GPM6A: variants seen among roughly 807,000 people sequenced by gnomAD.
The protein encoded by GPM6A is glycoprotein M6A.
In GPM6A, 7 loss-of-function variants were observed where a neutral mutation model predicts 32.1. That is an observed-to-expected ratio of 0.22 (90% CI 0.12 to 0.41). The LOEUF (loss-of-function observed/expected upper bound fraction) is 0.41. Ranked by LOEUF, GPM6A falls within the 10% of genes least tolerant of loss-of-function variation. The probability of loss-of-function intolerance (pLI) is 1.00; values close to 1 mark genes in which losing one functional copy is unlikely to be tolerated. For synonymous variants in GPM6A, 130 were observed against 123.4 expected (o/e 1.05, Z -0.35); for missense variants, 235 against 347.2 (o/e 0.68, Z 2.57).
intron 1 of GPM6A, among the ~76,000 whole-genome samples, chr4:175,963,972 T>C (rs1488501006): frequency 6.6e-6 from 1 of 151,714 alleles, no homozygotes; most frequent in African/African-American, 2.4e-5. Context: ...AAATATATAT[T>C]TAAACTCAAT....
intron 1 of GPM6A, among the ~76,000 whole-genome samples, chr4:175,778,037 G>T (rs1733462089): frequency 6.6e-6 from 1 of 152,090 alleles, no homozygotes; most frequent in Non-Finnish European, 1.5e-5. Flanking sequence ...GCATAATGGA[G>T]CACAGATTTG....
chr4:175,686,702 A>G (rs1743998796), intron 2 of GPM6A, among the ~76,000 whole-genome samples: 1 of 152,180 alleles, frequency 6.6e-6, no homozygotes, highest in South Asian at 2.1e-4. Flanking sequence ...GAGAGAATAC[A>G]TTTCTGCTGT....
At chr4:175,910,088 A>T (rs997471654) in intron 1 of GPM6A, among the ~76,000 whole-genome samples, 2 of 152,112 alleles carry the variant, frequency 1.3e-5, no homozygotes, top group Non-Finnish European at 2.9e-5. Context: ...TCTGTGGCAT[A>T]AATATGTCCA....
At position 175,725,990 on chromosome 4, in the gene GPM6A, C is replaced by CT. The variant is rs200739192; in HGVS notation, c.38-24224dup. Reference sequence around the variant, plus strand: ...ACAATGTTTTCCAAATACCCTGTTTCTTCTTTTTTTTTTTTTTTTTTTAAG... The same window carrying CT: ...ACAATGTTTTCCAAATACCCTGTTTCTTTCTTTTTTTTTTTTTTTTTTTAAG... On this transcript the variant is annotated intron_variant, in intron 1 of 6. Transcript: ENST00000393658. Among the ~76,000 whole-genome samples, 9 of 86,150 alleles carry CT rather than the reference C, an allele frequency of 1.0e-4. No individual in the cohort carries two copies. In the East Asian group the frequency reaches 1.6e-3, roughly 16 times the overall value. The allele number at this position is 86,150 out of a possible 152,430, so 56.5% of individuals were successfully genotyped here. A position where few individuals can be genotyped will look rare whatever the true frequency, so the allele number is the denominator to read the frequency against.
At chr4:175,696,094 A>G (rs1051632745) in intron 2 of GPM6A, among the ~76,000 whole-genome samples, 8 of 152,186 alleles carry the variant, frequency 5.3e-5, no homozygotes, top group African/African-American at 1.7e-4. Flanking sequence ...CATTATTATC[A>G]TAACCACTAT....
At chr4:175,785,381 A>G (rs1733761569) in intron 1 of GPM6A, among the ~76,000 whole-genome samples, 1 of 152,192 alleles carries the variant, frequency 6.6e-6, no homozygotes, top group South Asian at 2.1e-4. Flanking sequence ...CAGAAGAATG[A>G]ATCAGACAAC....
At chr4:175,920,538 C>G (rs1258473481) in intron 1 of GPM6A, among the ~76,000 whole-genome samples, 1 of 152,138 alleles carries the variant, frequency 6.6e-6, no homozygotes, top group African/African-American at 2.4e-5. Flanking sequence ...AGAAACAATA[C>G]TTAAACTACT....
At chr4:175,819,002 T>C (rs1321066645) in intron 1 of GPM6A, among the ~76,000 whole-genome samples, 1 of 152,220 alleles carries the variant, frequency 6.6e-6, no homozygotes, top group Admixed American at 6.5e-5. Context: ...TAAGTACTTA[T>C]GCATTCCTAT....
intron 1 of GPM6A, among the ~76,000 whole-genome samples, chr4:175,842,250 T>C (rs2111387262): frequency 6.6e-6 from 1 of 152,312 alleles, no homozygotes. Flanking sequence ...CATTAACGTA[T>C]GTAAAATAAT....
chr4:175,681,808 C>A lies in GPM6A; in HGVS notation c.231-7972G>T, dbSNP rs114221609. The stretch of plus-strand genomic sequence containing the variant: ...GCAGAACCATGAGCCAATTAAATCT[C>A]TTTACTAATTGCCCAGTTTCAGGTA... On this transcript the variant is annotated intron_variant, in intron 2 of 6. Transcript: ENST00000393658. Among the ~76,000 whole-genome samples, 1,121 of 152,246 alleles carry A rather than the reference C, an allele frequency of 7.4e-3. 13 individuals are homozygous for A. The highest frequency in any genetic ancestry group is 0.025 in the African/African-American group (1,057 of 41,544).
rs532251381 is a variant in GPM6A at position 175,675,761 on chromosome 4, C to T, written c.231-1925G>A. On this transcript the variant is annotated intron_variant, in intron 2 of 6. Transcript: ENST00000393658. ...ACCTCCTGGACTCAAGTGATCCTCT[C>T]GCCTCAGCCTCCCAAGTAGTAGAGA... Among the ~76,000 whole-genome samples the T allele has an allele frequency of 9.2e-5, 14 of 152,234 alleles. No homozygotes were observed. In the South Asian group the frequency reaches 1.2e-3, roughly 14 times the overall value.
At chr4:175,903,220 C>G (rs576380675) in intron 1 of GPM6A, among the ~76,000 whole-genome samples, 174 of 151,870 alleles carry the variant, frequency 1.1e-3, no homozygotes, top group African/African-American at 4.0e-3. Flanking sequence ...ACAGGAGGCT[C>G]TCATTGGCCA....
intron 1 of GPM6A, among the ~76,000 whole-genome samples, chr4:175,741,034 A>C (rs1362237181): frequency 6.6e-6 from 1 of 152,028 alleles, no homozygotes; most frequent in Non-Finnish European, 1.5e-5. Flanking sequence ...TATATTTTTC[A>C]AGTTCCTCTG....
chr4:175,824,063 C>T (rs1735357886), intron 1 of GPM6A, among the ~76,000 whole-genome samples: 1 of 152,192 alleles, frequency 6.6e-6, no homozygotes, highest in African/African-American at 2.4e-5. Flanking sequence ...GTGATCTACT[C>T]TCCATTAAGG....
At chr4:175,811,865 C>T (rs901274951) in intron 1 of GPM6A, 8 of 199,622 alleles carry the variant, frequency 4.0e-5, no homozygotes, top group Admixed American at 1.8e-4. Flanking sequence ...ACTAGGGATC[C>T]CTTGACCCAG....
chr4:175,811,866 C>A, intron 1 of GPM6A: 1 of 200,390 alleles, frequency 5.0e-6, no homozygotes. Context: ...CTAGGGATCC[C>A]TTGACCCAGC....
chr4:175,852,303 G>C (rs757524515), intron 1 of GPM6A, among the ~76,000 whole-genome samples: 29 of 152,046 alleles, frequency 1.9e-4, no homozygotes, highest in Non-Finnish European at 3.5e-4. Context: ...ATTTTGGAAG[G>C]CTTACATTTT....
At chr4:175,784,447 T>C (rs1383877887) in intron 1 of GPM6A, among the ~76,000 whole-genome samples, 2 of 152,164 alleles carry the variant, frequency 1.3e-5, no homozygotes, top group African/African-American at 2.4e-5. Flanking sequence ...GATTATTATA[T>C]CTATGTTAAT....
chr4:175,912,424 G>C (rs1056217711), intron 1 of GPM6A, among the ~76,000 whole-genome samples: 1 of 152,116 alleles, frequency 6.6e-6, no homozygotes, highest in African/African-American at 2.4e-5. Flanking sequence ...GGAGGTTGAG[G>C]CAGGTGGATC....
Sources: gnomAD v4.1 joint callset for allele counts (sites outside exome capture counted in the v4.1 genomes callset) on GRCh38, gnomAD v4.1.1 for gene constraint, MANE v1.5 for transcripts, NCBI Gene and HGNC (gene_info 2026-07-23, HGNC 2026-07-21) for gene names.